Variants in RTN1 observed in about 807,000 individuals in gnomAD.
RTN1 encodes reticulon-1.
Under a neutral mutation model 65.5 loss-of-function variants are expected in RTN1, and 25 were observed. The ratio of observed to expected loss-of-function variants is 0.38; its 90% CI spans 0.28 to 0.53. RTN1 has a LOEUF of 0.53. Among genes scored for constraint, RTN1 ranks in the 20% least tolerant of loss-of-function variants. RTN1 has a pLI of 0.79. For missense variants in RTN1, 983 were observed against 1,025.4 expected, an observed-to-expected ratio of 0.96 and a Z score of 0.57; for synonymous variants, 471 against 447.6, an observed-to-expected ratio of 1.05 and a Z score of -0.66.
chr14:59,622,009 C>G (rs1224859716), intron 3 of RTN1, among the ~76,000 whole-genome samples: 5 of 152,194 alleles, frequency 3.3e-5, no homozygotes, highest in Admixed American at 1.3e-4. Flanking sequence ...CACTACACCA[C>G]TTGCTATGTG....
At chr14:59,731,146 T>A (rs1229920566) in intron 2 of RTN1, among the ~76,000 whole-genome samples, 1 of 152,192 alleles carries the variant, frequency 6.6e-6, no homozygotes, top group Non-Finnish European at 1.5e-5. Context: ...AAATGTAATA[T>A]ATCCATACAA....
chr14:59,749,158 A>C (rs200325297), intron 1 of RTN1, among the ~76,000 whole-genome samples: 1,796 of 75,254 alleles, frequency 0.024, 216 homozygotes, highest in Admixed American at 0.051. Flanking sequence ...ATCTATCTAT[A>C]TCTATCTATA....
intron 3 of RTN1, among the ~76,000 whole-genome samples, chr14:59,721,834 G>C (rs1032717294): frequency 2.0e-5 from 3 of 152,192 alleles, no homozygotes; most frequent in African/African-American, 7.2e-5. Context: ...TCGGCACCGA[G>C]TACCTTTAAC....
intron 3 of RTN1, among the ~76,000 whole-genome samples, chr14:59,706,417 C>T (rs1884296114): frequency 6.6e-6 from 1 of 151,788 alleles, no homozygotes; most frequent in Non-Finnish European, 1.5e-5. Flanking sequence ...TTTTGTGTGG[C>T]TCCCATGAAC....
At position 59,607,353 on chromosome 14, in the gene RTN1, G is replaced by A. The variant is rs1197138525; in HGVS notation, c.1905C>T (p.Thr635=). 9.9e-6 allele frequency: 16 copies of A among 1,614,082 alleles called. No individual in the cohort carries two copies. The highest frequency in any genetic ancestry group is 3.3e-5 in the South Asian group (3 of 91,072). The change falls in exon 4 of 9, where the codon ACC becomes ACT. Residue 635 remains threonine (T), a synonymous_variant. Transcript: ENST00000267484. The part of the protein sequence containing the change: ...AYLALAALSA[T]ISFRIYKSVL... ...CAGACTTGTAGATGCGGAAACTGAT[G>A]GTGGCTGAGAGTGCGGCCAGGGCCA... is the stretch of plus-strand genomic sequence containing the variant.
intron 3 of RTN1, among the ~76,000 whole-genome samples, chr14:59,680,618 T>C (rs1883726727): frequency 1.3e-5 from 2 of 152,232 alleles, no homozygotes; most frequent in Admixed American, 6.5e-5. Flanking sequence ...ATTTGTATCA[T>C]CTTTCTAAAA....
intron 3 of RTN1, among the ~76,000 whole-genome samples, chr14:59,664,871 T>G (rs574184564): frequency 4.9e-4 from 75 of 152,300 alleles, no homozygotes; most frequent in African/African-American, 1.7e-3. Flanking sequence ...GTGCAATTAC[T>G]GAGTCACAGG....
Position 59,801,512 on chromosome 14 carries a change from A to T in RTN1, c.242-55031T>A, listed in dbSNP as rs78157845. Reference sequence around the variant, plus strand: ...ATAAAATTCTATACTCAGTGAAAACATATCTCAAAAATAATGGCATAATAA... The same window carrying T: ...ATAAAATTCTATACTCAGTGAAAACTTATCTCAAAAATAATGGCATAATAA... On this transcript the variant is annotated intron_variant, in intron 1 of 8. Transcript: ENST00000267484. Among the ~76,000 whole-genome samples, 507 of 152,318 alleles carry T rather than the reference A, an allele frequency of 3.3e-3. 19 individuals carry two copies. In the East Asian group the frequency reaches 0.056, roughly 17 times the overall value.
chr14:59,859,697 T>C (rs1887671258), intron 1 of RTN1, among the ~76,000 whole-genome samples: 1 of 152,200 alleles, frequency 6.6e-6, no homozygotes, highest in African/African-American at 2.4e-5. Context: ...TAAACGGCTT[T>C]GACCAAAAGC....
At chr14:59,815,199 C>G (rs940789721) in intron 1 of RTN1, among the ~76,000 whole-genome samples, 2 of 152,200 alleles carry the variant, frequency 1.3e-5, no homozygotes, top group Non-Finnish European at 2.9e-5. Context: ...CCATCCTAAT[C>G]ACGCCCTCCT....
chr14:59,605,529 G>T (rs371456922), intron 4 of RTN1, 23 bp from the exon 5 acceptor site: 9 of 1,612,328 alleles, frequency 5.6e-6, no homozygotes, highest in Non-Finnish European at 7.6e-6. Flanking sequence ...CATTCCCACA[G>T]AAAATTCCGT....
intron 1 of RTN1, among the ~76,000 whole-genome samples, chr14:59,800,946 A>G (rs1413809474): frequency 7.0e-6 from 1 of 143,660 alleles, no homozygotes; most frequent in Non-Finnish European, 1.5e-5. Flanking sequence ...TAAAAGATGT[A>G]AAAAAAAAAG....
chr14:59,649,724 G>A (rs1882983147), intron 3 of RTN1, among the ~76,000 whole-genome samples: 1 of 152,194 alleles, frequency 6.6e-6, no homozygotes, highest in Non-Finnish European at 1.5e-5. Flanking sequence ...CAGTGAGAAT[G>A]GTGAGTATTA....
chr14:59,747,121 T>C (rs1885245003), intron 1 of RTN1, among the ~76,000 whole-genome samples: 1 of 152,230 alleles, frequency 6.6e-6, no homozygotes. Flanking sequence ...TTTTCCCTCT[T>C]GTTTTGTTTT....
intron 2 of RTN1, among the ~76,000 whole-genome samples, chr14:59,729,538 C>T (rs932352054): frequency 6.6e-6 from 1 of 152,120 alleles, no homozygotes; most frequent in East Asian, 1.9e-4. Context: ...TTTCAGACAG[C>T]GGAAAAGTGT....
intron 1 of RTN1, among the ~76,000 whole-genome samples, chr14:59,749,170 ATC>A (rs374182298): frequency 0.03 from 2,146 of 71,088 alleles, 460 homozygotes; most frequent in African/African-American, 0.062. Context: ...CTATCTATAT[ATC>A]TATCTATATA....
At chr14:59,670,239 A>T (rs149192995) in intron 3 of RTN1, among the ~76,000 whole-genome samples, 108 of 152,350 alleles carry the variant, frequency 7.1e-4, no homozygotes, top group African/African-American at 2.6e-3. Flanking sequence ...AAGGACCAGA[A>T]TTAGATTTAA....
chr14:59,676,354 A>G (rs988425561), intron 3 of RTN1, among the ~76,000 whole-genome samples: 1 of 152,244 alleles, frequency 6.6e-6, no homozygotes, highest in African/African-American at 2.4e-5. Flanking sequence ...CTTTTCTGTG[A>G]TATAAATAAA....
intron 3 of RTN1, among the ~76,000 whole-genome samples, chr14:59,719,495 C>T (rs1884603862): frequency 6.6e-6 from 1 of 152,202 alleles, no homozygotes; most frequent in African/African-American, 2.4e-5. Flanking sequence ...AATGTAAGCC[C>T]CATGAGGGGT....
Sources: allele counts gnomAD v4.1 joint callset (sites outside exome capture counted in the v4.1 genomes callset), GRCh38; gene constraint gnomAD v4.1.1; transcripts MANE v1.5; gene names NCBI Gene and HGNC (gene_info 2026-07-23, HGNC 2026-07-21).